MPHOSPH9: variants seen among roughly 807,000 people sequenced by gnomAD.
MPHOSPH9 encodes the protein M-phase phosphoprotein 9.
In MPHOSPH9, 88 loss-of-function variants were observed where a neutral mutation model predicts 145.5. The ratio of observed to expected loss-of-function variants is 0.60; its 90% CI spans 0.51 to 0.72. The LOEUF (loss-of-function observed/expected upper bound fraction) is 0.72, where lower values mean the gene tolerates loss of function less well. Ranked by LOEUF, MPHOSPH9 falls within the 30% of genes least tolerant of loss-of-function variation. The pLI is 0.00. For synonymous variants in MPHOSPH9, 435 were observed against 486.2 expected, an observed-to-expected ratio of 0.89 and a Z score of 1.39; for missense variants, 1,238 against 1,386.6, an observed-to-expected ratio of 0.89 and a Z score of 1.70.
At chr12:123,160,415 A>G (rs998358876) in intron 23 of MPHOSPH9, 2 of 194,286 alleles carry the variant, frequency 1.0e-5, no homozygotes, top group African/African-American at 4.7e-5. Context: ...AGGAGTTCAG[A>G]AATAAATTAC....
At chr12:123,241,298 T>C (rs2047932828) in intron 1 of MPHOSPH9, among the ~76,000 whole-genome samples, 1 of 151,746 alleles carries the variant, frequency 6.6e-6, no homozygotes, top group East Asian at 1.9e-4. Flanking sequence ...AGCATTATTT[T>C]ATTTTTTATT....
intron 13 of MPHOSPH9, among the ~76,000 whole-genome samples, chr12:123,191,499 G>T (rs1027952638): frequency 2.0e-5 from 3 of 152,094 alleles, no homozygotes; most frequent in Non-Finnish European, 2.9e-5. Context: ...TACCGTGTTG[G>T]CCAGGCTGGT....
intron 11 of MPHOSPH9, among the ~76,000 whole-genome samples, chr12:123,200,636 TA>T: frequency 6.6e-6 from 1 of 152,056 alleles, no homozygotes; most frequent in Non-Finnish European, 1.5e-5. Flanking sequence ...AGGAAGTAAC[TA>T]CAGTCATCTT....
Position 123,230,451 on chromosome 12 carries a change from G to C in MPHOSPH9, c.-87C>G. The C allele has an allele frequency of 5.9e-6, 4 of 677,174 alleles. No individual in the cohort carries two copies. The South Asian group carries it at 6.7e-5, about 11-fold the overall frequency. The allele number at this position is 677,174 out of a possible 1,614,324, so 41.9% of individuals were successfully genotyped here. ...AAATGAATCCGTGTCATCTTCAGAG[G>C]CTTCATCATCTACTGGCATTTTCAG... On this transcript the variant is annotated 5_prime_UTR_variant, in exon 2 of 24. Coordinates refer to ENST00000606320, the MANE Select transcript of MPHOSPH9 (RefSeq NM_022782.4).
At position 123,202,766 on chromosome 12, in the gene MPHOSPH9, T is replaced by C. The variant is rs1336885136; in HGVS notation, c.1639A>G (p.Ile547Val). The part of the protein sequence containing the change: ...PSVYTITSND[I>V]SVNTVDEENT... ...TCTTCATCTACAGTGTTGACCGAGA[T>C]ATCATTACTAGTAATGGTATATACT... Residue 547 changes from isoleucine (I) to valine (V), a missense_variant, in exon 10 of 24, where the codon ATC (isoleucine) becomes GTC (valine). By Grantham distance (29) the Ile-to-Val change is conservative. Coordinates refer to ENST00000606320, the MANE Select transcript of MPHOSPH9 (RefSeq NM_022782.4). 4 of 1,614,092 alleles carry C rather than the reference T, an allele frequency of 2.5e-6. No homozygotes were observed. Among genetic ancestry groups the C allele is most frequent in the Non-Finnish European group, 2.5e-6 (3 of 1,180,042 alleles).
Position 123,214,822 on chromosome 12 carries a change from C to T in MPHOSPH9, c.1009G>A (p.Ala337Thr), listed in dbSNP as rs2046890595. 6 of 1,612,446 alleles carry T rather than the reference C, an allele frequency of 3.7e-6. No individual in the cohort carries two copies. Among genetic ancestry groups the T allele is most frequent in the Non-Finnish European group, 5.1e-6 (6 of 1,178,652 alleles). The change falls in exon 7 of 24, where the codon GCT (alanine) becomes ACT (threonine). Residue 337 changes from alanine to threonine, a missense_variant. Transcript: ENST00000606320. ...KTPIEKSDFA[A>T]ATHPRAFYLS... is the part of the protein sequence containing the mutation. ...TAAAAAGCACGAGGATGTGTAGCAG[C>T]AGCAAAATCAGACTACAAGAAAGAA...
chr12:123,174,329 C>T (rs1196834244), intron 16 of MPHOSPH9, among the ~76,000 whole-genome samples: 2 of 151,824 alleles, frequency 1.3e-5, no homozygotes, highest in East Asian at 3.9e-4. Flanking sequence ...ACTCAGTTTA[C>T]ATCCATTCTA....
rs768866302 is a variant in MPHOSPH9 at position 123,193,071 on chromosome 12, CAAAAAA to C, written c.2241+1309_2241+1314del. 7.9e-3 allele frequency among the ~76,000 whole-genome samples: 234 copies of C among 29,548 alleles called. 6 individuals are homozygous for C. The highest frequency in any genetic ancestry group is 0.04 in the Admixed American group (63 of 1,578). The allele number at this position is 29,548 out of a possible 152,430, so 19.4% of individuals were successfully genotyped here. A position where few individuals can be genotyped will look rare whatever the true frequency, so the allele number is the denominator to read the frequency against. ...TGGGCGACAGAGAGGGATTGTCTTT[CAAAAAA>C]AAAAAAAAAAAAAAAAAAAATATAT... On this transcript the variant is annotated intron_variant, in intron 13 of 23. Transcript: ENST00000606320.
In MPHOSPH9 at chr12:123,160,862, G is replaced by A. The variant is rs763027877; in HGVS notation, c.3382-13C>T. 22 of 1,610,440 alleles carry A rather than the reference G, an allele frequency of 1.4e-5. No homozygotes were observed. Among genetic ancestry groups the A allele is most frequent in the South Asian group, 5.5e-5 (5 of 90,464 alleles). On this transcript the variant is annotated splice_polypyrimidine_tract_variant and intron_variant, in intron 22 of 23. Transcript: ENST00000606320. Reference sequence around the variant, plus strand: ...GTGCTGCCTCAATCTGTTAACACACGAAAAAAATATGTTTAAATTACTGGC... The same window carrying A: ...GTGCTGCCTCAATCTGTTAACACACAAAAAAAATATGTTTAAATTACTGGC...
chr12:123,172,111 T>C (rs1174432505), intron 16 of MPHOSPH9, among the ~76,000 whole-genome samples: 1 of 152,188 alleles, frequency 6.6e-6, no homozygotes, highest in Non-Finnish European at 1.5e-5. Flanking sequence ...CCATATTATG[T>C]CCTTAAGATT....
chr12:123,186,193 C>A (rs1319566954), intron 13 of MPHOSPH9, among the ~76,000 whole-genome samples: 2 of 141,666 alleles, frequency 1.4e-5, no homozygotes, highest in Non-Finnish European at 3.0e-5. Flanking sequence ...TGCCATTGCA[C>A]TCCAGCCTGG....
In MPHOSPH9 at chr12:123,202,335, T is replaced by TA; in HGVS notation, c.1782-17dup. 6.4e-7 allele frequency: 1 copy of TA among 1,569,556 alleles called. No homozygotes were observed. The highest frequency in any genetic ancestry group is 8.6e-7 in the Non-Finnish European group (1 of 1,164,096). On this transcript the variant is annotated splice_polypyrimidine_tract_variant and intron_variant, in intron 10 of 23. Coordinates refer to ENST00000606320, the MANE Select transcript of MPHOSPH9 (RefSeq NM_022782.4). ...CTGCCTAATCCTTATTCAGTGAGAA[T>TA]AAAAAATATATATTAGGAAAGCTAT...
chr12:123,184,204 C>G lies in MPHOSPH9; in HGVS notation c.2242-2994G>C, dbSNP rs188652329. Among the ~76,000 whole-genome samples, 84 of 151,944 alleles carry G rather than the reference C, an allele frequency of 5.5e-4. 1 individual carries two copies. Among genetic ancestry groups the G allele is most frequent in the Admixed American group, 5.5e-3 (83 of 15,226 alleles). The stretch of plus-strand genomic sequence containing the variant: ...CTCGGTGACAAGGTGAGACCTGTCT[C>G]TAAAATAAATATATTAACAAATAAT... On this transcript the variant is annotated intron_variant, in intron 13 of 23. Transcript: ENST00000606320.
At position 123,214,758 on chromosome 12, in the gene MPHOSPH9, G is replaced by T. The variant is rs751432391; in HGVS notation, c.1073C>A (p.Ser358Tyr). The T allele has an allele frequency of 6.2e-7, 1 of 1,611,560 alleles. No homozygotes were observed. ...AAGTATCATACCTGTTCCTGAATCA[G>T]ACATCCAAGCATTTGGAGTTTCATC... ...KPDETPNAWM[S>Y]DSGTGLTYWK... Residue 358 changes from serine (S) to tyrosine (Y), a missense_variant, in exon 7 of 24, where the codon TCT becomes TAT. Physicochemically the swap from Ser to Tyr is moderately radical, Grantham distance 144. This residue lies in a region of MPHOSPH9 where 837 missense variants were observed against 897.5 expected (regional missense o/e 0.93). Coordinates refer to ENST00000606320, the MANE Select transcript of MPHOSPH9 (RefSeq NM_022782.4).
chr12:123,202,222 C>T lies in MPHOSPH9; in HGVS notation c.1879G>A (p.Ala627Thr), dbSNP rs371728326. The stretch of plus-strand genomic sequence containing the variant: ...TCTTCAACTCCAGAGATTTCTTTTG[C>T]CTCCAGCTTCTGTTTCAAACTATTT... The part of the protein sequence containing the change: ...EINSLKQKLE[A>T]KEISGVEDWK... The change falls in exon 11 of 24, where the codon GCA (alanine) becomes ACA (threonine). Residue 627 changes from alanine (A) to threonine (T), a missense_variant. Ala to Thr is a moderately conservative substitution (Grantham distance 58). Around this residue, in one of 3 missense-constraint regions of MPHOSPH9, gnomAD observed 837 missense variants for 897.5 expected, o/e 0.93. Coordinates refer to ENST00000606320, the MANE Select transcript of MPHOSPH9 (RefSeq NM_022782.4). 6 of 1,613,188 alleles carry T rather than the reference C, an allele frequency of 3.7e-6. No individual in the cohort carries two copies. Among genetic ancestry groups the T allele is most frequent in the Non-Finnish European group, 5.1e-6 (6 of 1,179,806 alleles).
intron 8 of MPHOSPH9, among the ~76,000 whole-genome samples, chr12:123,205,566 A>G (rs892088147): frequency 1.2e-4 from 18 of 152,140 alleles, no homozygotes; most frequent in African/African-American, 4.3e-4. Flanking sequence ...AAGTACCACA[A>G]TTCCCATAAT....
At chr12:123,233,627 C>G (rs1409849464), upstream of MPHOSPH9, 1 of 152,206 alleles carries the variant, frequency 6.6e-6, no homozygotes, top group African/African-American at 2.4e-5. Context: ...CTGGGTTTTT[C>G]CCGACTTGCG....
intron 13 of MPHOSPH9, among the ~76,000 whole-genome samples, chr12:123,190,187 C>G (rs2045616230): frequency 6.7e-6 from 1 of 149,338 alleles, no homozygotes; most frequent in African/African-American, 2.5e-5. Context: ...GAGTCTCGCT[C>G]TGTCGCCCAG....
chr12:123,221,651 C>CTATG lies in MPHOSPH9; in HGVS notation c.592_593insCATA (p.Gly198AlafsTer2). 1 of 1,614,130 alleles carries CTATG rather than the reference C, an allele frequency of 6.2e-7. No individual in the cohort carries two copies. Among genetic ancestry groups the CTATG allele is most frequent in the Non-Finnish European group, 8.5e-7 (1 of 1,180,026 alleles). On this transcript the variant is annotated stop_gained and frameshift_variant, in exon 5 of 24. Transcript: ENST00000606320. LOFTEE classifies it high-confidence loss of function. Reference sequence around the variant, plus strand: ...TTCTGAGATACAAAAGGTGCCATATCCACTGCTTACTGAGCAACTATCCAC... The same window carrying CTATG: ...TTCTGAGATACAAAAGGTGCCATATCTATGCACTGCTTACTGAGCAACTATCCAC...
Sources: gnomAD v4.1 joint callset for allele counts (sites outside exome capture counted in the v4.1 genomes callset) on GRCh38, gnomAD v4.1.1 for gene constraint, gnomAD v4.1.1 regional missense constraint, MANE v1.5 for transcripts, NCBI Gene and HGNC (gene_info 2026-07-23, HGNC 2026-07-21) for gene names.